The following SLC10A7 variants were observed in gnomAD, a reference collection of about 807,000 sequenced individuals.
SLC10A7 encodes the protein solute carrier family 10 member 7.
Under a neutral mutation model 43.2 loss-of-function variants are expected in SLC10A7, and 29 were observed. The observed-to-expected ratio is 0.67, with a 90% confidence interval of 0.50 to 0.92. SLC10A7 has a LOEUF of 0.92. Among genes scored for constraint, SLC10A7 ranks in the 40% least tolerant of loss-of-function variants. SLC10A7 has a pLI of 0.00. For missense variants in SLC10A7, 295 were observed against 403.2 expected, an observed-to-expected ratio of 0.73 and a Z score of 2.30; for synonymous variants, 152 against 144.8, an observed-to-expected ratio of 1.05 and a Z score of -0.35.
In SLC10A7 at chr4:146,341,315, CA is replaced by C. The variant is rs368456170; in HGVS notation, c.436-15320del. On this transcript the variant is annotated intron_variant, in intron 5 of 11. Coordinates refer to ENST00000335472, the MANE Select transcript of SLC10A7 (RefSeq NM_001029998.6). ...ATTGAATTTCAATATAACTGAGTTCCAAATATAGCTAATATGTTGCATAAAA... is the reference window on the plus strand; with the variant it reads ...ATTGAATTTCAATATAACTGAGTTCCAATATAGCTAATATGTTGCATAAAA... Among the ~76,000 whole-genome samples the C allele has an allele frequency of 2.1e-4, 32 of 151,570 alleles. No individual in the cohort carries two copies. The East Asian group carries it at 3.7e-3, about 17-fold the overall frequency.
intron 4 of SLC10A7, among the ~76,000 whole-genome samples, chr4:146,481,688 G>A (rs1034271068): frequency 2.0e-5 from 3 of 152,180 alleles, no homozygotes; most frequent in East Asian, 3.9e-4. Flanking sequence ...TCAGAGCAAC[G>A]GACCCCAGCC....
chr4:146,367,394 C>T (rs1364326974), intron 5 of SLC10A7, among the ~76,000 whole-genome samples: 1 of 152,006 alleles, frequency 6.6e-6, no homozygotes, highest in East Asian at 1.9e-4. Flanking sequence ...TGAAAGGTGG[C>T]TAGTGCAACT....
intron 5 of SLC10A7, among the ~76,000 whole-genome samples, chr4:146,398,950 C>A (rs1260682881): frequency 6.6e-6 from 1 of 152,194 alleles, no homozygotes; most frequent in Non-Finnish European, 1.5e-5. Context: ...CAGACAAGGA[C>A]CCGACTCTCT....
chr4:146,442,162 AAAT>A (rs1438555202), intron 5 of SLC10A7: 2 of 971,642 alleles, frequency 2.1e-6, no homozygotes, highest in African/African-American at 1.8e-5. Flanking sequence ...ATTTATTTAA[AAAT>A]AATGATTAAA....
chr4:146,362,918 A>G (rs760756897), intron 5 of SLC10A7, among the ~76,000 whole-genome samples: 1 of 151,536 alleles, frequency 6.6e-6, no homozygotes, highest in African/African-American at 2.4e-5. Flanking sequence ...AAAATTACTT[A>G]TAAACAAAAG....
chr4:146,495,766 A>AACACACACACACACACACACAC (rs57202992), intron 4 of SLC10A7, among the ~76,000 whole-genome samples: 1 of 139,540 alleles, frequency 7.2e-6, no homozygotes, highest in Non-Finnish European at 1.5e-5. Flanking sequence ...GATGAAAGTA[A>AACACACACACACACACACACAC]ACACACACAC....
intron 4 of SLC10A7, among the ~76,000 whole-genome samples, chr4:146,491,897 CAGG>C (rs1735479877): frequency 6.6e-6 from 1 of 152,172 alleles, no homozygotes; most frequent in Non-Finnish European, 1.5e-5. Flanking sequence ...TTGCACTAAA[CAGG>C]ATGTTCTCAT....
intron 9 of SLC10A7, among the ~76,000 whole-genome samples, chr4:146,285,204 G>T (rs976064936): frequency 1.3e-5 from 2 of 152,102 alleles, no homozygotes; most frequent in Non-Finnish European, 2.9e-5. Context: ...TGAAGGAGTT[G>T]GGACAGTAGA....
At chr4:146,350,438 G>A (rs1417978942) in intron 5 of SLC10A7, among the ~76,000 whole-genome samples, 8 of 141,620 alleles carry the variant, frequency 5.6e-5, no homozygotes, top group African/African-American at 1.6e-4. Context: ...ACTGTAAGGC[G>A]GCAGCGAGGC....
At chr4:146,360,205 T>TAA (rs957224086) in intron 5 of SLC10A7, among the ~76,000 whole-genome samples, 3 of 148,204 alleles carry the variant, frequency 2.0e-5, no homozygotes, top group Non-Finnish European at 4.4e-5. Context: ...TACCTTACTC[T>TAA]AAGCCACTGT....
At chr4:146,315,176 T>G (rs1206460898) in intron 6 of SLC10A7, among the ~76,000 whole-genome samples, 1 of 152,120 alleles carries the variant, frequency 6.6e-6, no homozygotes, top group Non-Finnish European at 1.5e-5. Context: ...AAATGCTTGA[T>G]CAACTGTCCT....
intron 5 of SLC10A7, among the ~76,000 whole-genome samples, chr4:146,412,680 G>A (rs1560884375): frequency 6.6e-6 from 1 of 151,990 alleles, no homozygotes; most frequent in Non-Finnish European, 1.5e-5. Flanking sequence ...AATTTTATAT[G>A]GATGATTTAA....
chr4:146,401,803 T>C (rs927636065), intron 5 of SLC10A7, among the ~76,000 whole-genome samples: 1 of 152,186 alleles, frequency 6.6e-6, no homozygotes, highest in African/African-American at 2.4e-5. Context: ...GTAAGTCAAA[T>C]AATATAGAAG....
intron 5 of SLC10A7, among the ~76,000 whole-genome samples, chr4:146,381,888 T>C (rs2149792288): frequency 6.6e-6 from 1 of 152,244 alleles, no homozygotes; most frequent in East Asian, 1.9e-4. Flanking sequence ...TGCTTAGCCC[T>C]AAAGTCTAAA....
chr4:146,471,425 C>T (rs1329578827), intron 4 of SLC10A7, among the ~76,000 whole-genome samples: 1 of 152,112 alleles, frequency 6.6e-6, no homozygotes, highest in Admixed American at 6.5e-5. Flanking sequence ...AACACACCCT[C>T]GCATTTTGTT....
At chr4:146,487,881 C>G (rs921372465) in intron 4 of SLC10A7, among the ~76,000 whole-genome samples, 2 of 151,032 alleles carry the variant, frequency 1.3e-5, no homozygotes, top group African/African-American at 4.9e-5. Context: ...TAAGCAACAC[C>G]CTTTCTCTAC....
intron 5 of SLC10A7, among the ~76,000 whole-genome samples, chr4:146,384,752 T>C (rs775691961): frequency 1.2e-4 from 19 of 152,032 alleles, no homozygotes; most frequent in Non-Finnish European, 2.4e-4. Flanking sequence ...ATCCCCAATG[T>C]TGGAGGTGGG....
At chr4:146,483,012 A>C (rs1368262964) in intron 4 of SLC10A7, among the ~76,000 whole-genome samples, 1 of 152,174 alleles carries the variant, frequency 6.6e-6, no homozygotes, top group Non-Finnish European at 1.5e-5. Flanking sequence ...TCAGAAAGGA[A>C]GGAGAAAATT....
rs191274759 is a variant in SLC10A7 at position 146,474,979 on chromosome 4, T to C, written c.396+28870A>G. 2.5e-3 allele frequency among the ~76,000 whole-genome samples: 375 copies of C among 152,268 alleles called. 2 individuals are homozygous for C. Among genetic ancestry groups the C allele is most frequent in the African/African-American group, 8.8e-3 (367 of 41,566 alleles). ...AGAATTACCTAGAAAGGACCTTCCT[T>C]TTCCAATGAAAACCATTTGATTCCT... is the stretch of plus-strand genomic sequence containing the variant. On this transcript the variant is annotated intron_variant, in intron 4 of 11. Transcript: ENST00000335472.
Sources: allele counts gnomAD v4.1 joint callset (sites outside exome capture counted in the v4.1 genomes callset), GRCh38; gene constraint gnomAD v4.1.1; transcripts MANE v1.5; gene names NCBI Gene and HGNC (gene_info 2026-07-23, HGNC 2026-07-21).